Variants in TPD52L1 observed in about 807,000 individuals in gnomAD.
The protein encoded by TPD52L1 is TPD52 like 1, also known as tumor protein D53.
Under a neutral mutation model 28.7 loss-of-function variants are expected in TPD52L1, and 18 were observed. The ratio of observed to expected loss-of-function variants is 0.63; its 90% CI spans 0.43 to 0.93. The LOEUF is 0.93. TPD52L1 is among the 40% of genes least tolerant of loss of function. The pLI is 0.00. For synonymous variants in TPD52L1, 75 were observed against 88.8 expected, an observed-to-expected ratio of 0.84 and a Z score of 0.88; for missense variants, 203 against 254.8, an observed-to-expected ratio of 0.80 and a Z score of 1.39.
intron 3 of TPD52L1, among the ~76,000 whole-genome samples, chr6:125,246,426 G>A (rs1015870642): frequency 6.6e-6 from 1 of 152,162 alleles, no homozygotes; most frequent in African/African-American, 2.4e-5. Context: ...AGTTCATGAT[G>A]TGAGTCTCCA....
Position 125,262,994 on chromosome 6 carries a change from C to T in TPD52L1, c.*32C>T, listed in dbSNP as rs748202040. 16 of 1,595,548 alleles carry T rather than the reference C, an allele frequency of 1.0e-5. No individual in the cohort carries two copies. Among genetic ancestry groups the T allele is most frequent in the African/African-American group, 2.7e-5 (2 of 74,294 alleles). ...CCAGCGTGCAGCTGCATCCAGAAAC[C>T]GGCCACTACCCAGCCCATCTCTGCC... is the stretch of plus-strand genomic sequence containing the variant. On this transcript the variant is annotated 3_prime_UTR_variant, in exon 7 of 7. Coordinates refer to ENST00000534000, the MANE Select transcript of TPD52L1 (RefSeq NM_003287.4).
Position 125,153,828 on chromosome 6 carries a change from G to T in TPD52L1, c.-124G>T. On this transcript the variant is annotated 5_prime_UTR_variant, in exon 1 of 7. Coordinates refer to ENST00000534000, the MANE Select transcript of TPD52L1 (RefSeq NM_003287.4). ...CCAACCCCCTCCGCGCAGCGCTCGC[G>T]ACACGCGTGCCAGGAGTGGGAGCGA... 1 of 1,167,968 alleles carries T rather than the reference G, an allele frequency of 8.6e-7. No homozygotes were observed. 72.4% of individuals were successfully genotyped at this position (1,167,968 alleles called of 1,614,324 possible).
chr6:125,216,521 A>G (rs998588735), intron 1 of TPD52L1, among the ~76,000 whole-genome samples: 18 of 66,204 alleles, frequency 2.7e-4, no homozygotes, highest in East Asian at 1.5e-3. Flanking sequence ...TAAATTCAGT[A>G]TGTGTGTGTA....
intron 5 of TPD52L1, among the ~76,000 whole-genome samples, chr6:125,254,159 G>A (rs1797447478): frequency 6.6e-6 from 1 of 152,110 alleles, no homozygotes; most frequent in Non-Finnish European, 1.5e-5. Flanking sequence ...GCTAGCCTGG[G>A]GGCAAGTTTA....
chr6:125,221,339 T>A (rs1181762451), intron 2 of TPD52L1, among the ~76,000 whole-genome samples: 1 of 152,176 alleles, frequency 6.6e-6, no homozygotes, highest in African/African-American at 2.4e-5. Context: ...TAACAGATAA[T>A]GGACTGACTC....
At chr6:125,162,214 GC>G in intron 1 of TPD52L1, among the ~76,000 whole-genome samples, 1 of 152,252 alleles carries the variant, frequency 6.6e-6, no homozygotes, top group South Asian at 2.1e-4. Flanking sequence ...AGGTGATGAT[GC>G]ATATTTTAGG....
intron 1 of TPD52L1, among the ~76,000 whole-genome samples, chr6:125,204,467 A>G (rs1391531362): frequency 6.6e-6 from 1 of 151,968 alleles, no homozygotes. Context: ...TTCCCTGGCT[A>G]GTTATCAGAT....
chr6:125,172,124 CTTT>C (rs1791379468), intron 1 of TPD52L1, among the ~76,000 whole-genome samples: 2 of 60,042 alleles, frequency 3.3e-5, no homozygotes, highest in African/African-American at 1.8e-4. Context: ...TTCTTTCTTT[CTTT>C]CTTTCTTTCT....
intron 1 of TPD52L1, among the ~76,000 whole-genome samples, chr6:125,207,925 G>A (rs1794253329): frequency 6.6e-6 from 1 of 152,212 alleles, no homozygotes; most frequent in South Asian, 2.1e-4. Flanking sequence ...GACGAGGCAA[G>A]ATAAGATATG....
At chr6:125,171,214 A>T (rs1346327922) in intron 1 of TPD52L1, among the ~76,000 whole-genome samples, 1 of 152,038 alleles carries the variant, frequency 6.6e-6, no homozygotes, top group South Asian at 2.1e-4. Context: ...TTTAACATGC[A>T]CTCTAGGAGA....
intron 2 of TPD52L1, among the ~76,000 whole-genome samples, chr6:125,221,424 G>A (rs1160961237): frequency 1.3e-5 from 2 of 152,154 alleles, no homozygotes; most frequent in African/African-American, 4.8e-5. Flanking sequence ...GTCATGTTCT[G>A]CAGAGTGGGG....
chr6:125,242,504 A>G (rs998256250), intron 3 of TPD52L1, among the ~76,000 whole-genome samples: 3 of 151,942 alleles, frequency 2.0e-5, no homozygotes, highest in African/African-American at 7.2e-5. Context: ...TAGGATTGTG[A>G]TATTTTCTTA....
chr6:125,183,134 G>A (rs1338105510), intron 1 of TPD52L1, among the ~76,000 whole-genome samples: 1 of 152,152 alleles, frequency 6.6e-6, no homozygotes, highest in Non-Finnish European at 1.5e-5. Context: ...GCCTGGGACA[G>A]GGCTATGCAG....
At chr6:125,178,592 G>A (rs1051686498) in intron 1 of TPD52L1, among the ~76,000 whole-genome samples, 3 of 151,952 alleles carry the variant, frequency 2.0e-5, no homozygotes, top group African/African-American at 4.8e-5. Context: ...CTGCACTCCC[G>A]CCTGGGCGAC....
At chr6:125,218,274 A>T (rs190575337) in intron 1 of TPD52L1, among the ~76,000 whole-genome samples, 1 of 152,250 alleles carries the variant, frequency 6.6e-6, no homozygotes, top group Non-Finnish European at 1.5e-5. Context: ...AGACTTGTAA[A>T]TTTTTGCTAA....
intron 1 of TPD52L1, among the ~76,000 whole-genome samples, chr6:125,158,403 CTACATTA>C (rs1395241994): frequency 7.0e-5 from 3 of 43,158 alleles, no homozygotes; most frequent in African/African-American, 6.6e-4. Flanking sequence ...AGTATACATT[CTACATTA>C]TACATTATAC....
intron 1 of TPD52L1, among the ~76,000 whole-genome samples, chr6:125,178,529 G>A (rs1484115709): frequency 6.6e-6 from 1 of 152,172 alleles, no homozygotes; most frequent in African/African-American, 2.4e-5. Context: ...GCTGAGGCAG[G>A]AGAATCGCTT....
chr6:125,172,859 G>A (rs1791588435), intron 1 of TPD52L1, among the ~76,000 whole-genome samples: 1 of 151,268 alleles, frequency 6.6e-6, no homozygotes, highest in Non-Finnish European at 1.5e-5. Flanking sequence ...ACTGGCTCCT[G>A]GTAAATGCTC....
chr6:125,200,998 A>C (rs1390645501), intron 1 of TPD52L1, among the ~76,000 whole-genome samples: 1 of 152,198 alleles, frequency 6.6e-6, no homozygotes, highest in Non-Finnish European at 1.5e-5. Context: ...CAGGGTTGGC[A>C]CATTGTTACA....
Sources: gnomAD v4.1 joint callset for allele counts (sites outside exome capture counted in the v4.1 genomes callset) on GRCh38, gnomAD v4.1.1 for gene constraint, MANE v1.5 for transcripts, NCBI Gene and HGNC (gene_info 2026-07-23, HGNC 2026-07-21) for gene names.